The following FSTL5 variants were observed in gnomAD, a reference collection of about 807,000 sequenced individuals.
The protein encoded by FSTL5 is follistatin like 5, also known as follistatin-related protein 5.
A neutral mutation model predicts 89.1 loss-of-function variants in FSTL5; 62 were observed. That is an observed-to-expected ratio of 0.70 (90% CI 0.57 to 0.86). FSTL5 has a LOEUF of 0.86. Among genes scored for constraint, FSTL5 ranks in the 40% least tolerant of loss-of-function variants. FSTL5 has a pLI of 0.00. For missense variants in FSTL5, 1,057 were observed against 1,001.6 expected (o/e 1.06, Z -0.75); for synonymous variants, 383 against 346.2 (o/e 1.11, Z -1.18).
intron 4 of FSTL5, among the ~76,000 whole-genome samples, chr4:161,822,789 A>G (rs1352831427): frequency 6.6e-6 from 1 of 152,228 alleles, no homozygotes; most frequent in Non-Finnish European, 1.5e-5. Context: ...ACGTCCAGGA[A>G]GAATGAGGTA....
At chr4:162,046,841 T>C (rs1738200502) in intron 2 of FSTL5, among the ~76,000 whole-genome samples, 1 of 152,160 alleles carries the variant, frequency 6.6e-6, no homozygotes, top group African/African-American at 2.4e-5. Context: ...ATAATATGTT[T>C]ATCCCTTAAT....
chr4:161,493,588 A>C (rs1729958978), intron 12 of FSTL5, among the ~76,000 whole-genome samples: 1 of 152,032 alleles, frequency 6.6e-6, no homozygotes, highest in African/African-American at 2.4e-5. Context: ...TGATTTTGTA[A>C]ATCTCAAGTA....
chr4:161,431,677 T>A (rs72681788), intron 15 of FSTL5, among the ~76,000 whole-genome samples: 20,931 of 151,880 alleles, frequency 0.14, 1,715 homozygotes, highest in East Asian at 0.24. Flanking sequence ...AATGGTTGAA[T>A]GGATAAAGAA....
At position 162,008,180 on chromosome 4, in the gene FSTL5, T is replaced by C. The variant is rs17434282; in HGVS notation, c.160+25445A>G. Among the ~76,000 whole-genome samples, 1,455 of 152,004 alleles carry C rather than the reference T, an allele frequency of 9.6e-3. 15 individuals are homozygous for C. The highest frequency in any genetic ancestry group is 0.033 in the African/African-American group (1,355 of 41,552). On this transcript the variant is annotated intron_variant, in intron 3 of 15. Transcript: ENST00000306100. ...AATTTAAACTGTTTGCCCAGATTAA[T>C]GTAATGACCATTAATGAGAGAACAA...
At chr4:161,537,192 CCTGG>C (rs1220573265) in intron 10 of FSTL5, among the ~76,000 whole-genome samples, 1 of 152,048 alleles carries the variant, frequency 6.6e-6, no homozygotes, top group African/African-American at 2.4e-5. Context: ...TAGGAAGACC[CCTGG>C]CTGGATCAAT....
chr4:161,931,070 C>T (rs1190092115), intron 3 of FSTL5, among the ~76,000 whole-genome samples: 1 of 151,746 alleles, frequency 6.6e-6, no homozygotes. Context: ...GGGATGTGGA[C>T]AATAGATGCG....
At chr4:161,923,185 A>G (rs1029382604) in intron 3 of FSTL5, among the ~76,000 whole-genome samples, 1 of 151,934 alleles carries the variant, frequency 6.6e-6, no homozygotes, top group African/African-American at 2.4e-5. Context: ...TGTTTGGCCT[A>G]TAATAGCTCA....
Position 161,718,959 on chromosome 4 carries a change from G to A in FSTL5, c.727+40452C>T, listed in dbSNP as rs187939948. ...AATTCACAGTTCTTGCTTTAAATGG[G>A]AAGAAGAAGCCAAAACTCTTCAAAA... On this transcript the variant is annotated intron_variant, in intron 6 of 15. Coordinates refer to ENST00000306100, the MANE Select transcript of FSTL5 (RefSeq NM_020116.5). Among the ~76,000 whole-genome samples, 4 of 152,256 alleles carry A rather than the reference G, an allele frequency of 2.6e-5. No individual in the cohort carries two copies. The East Asian group carries it at 5.8e-4, about 22-fold the overall frequency.
chr4:161,643,472 T>G (rs146439633), intron 7 of FSTL5, among the ~76,000 whole-genome samples: 2,496 of 68,748 alleles, frequency 0.036, 57 homozygotes, highest in African/African-American at 0.081. Flanking sequence ...TGTAACGGAG[T>G]TTTTTTTTTT....
chr4:161,938,085 C>T (rs1445258211), intron 3 of FSTL5, among the ~76,000 whole-genome samples: 2 of 152,154 alleles, frequency 1.3e-5, no homozygotes, highest in South Asian at 2.1e-4. Flanking sequence ...AAAGTAGATC[C>T]CTTTCACCAC....
chr4:161,656,496 T>C lies in FSTL5; in HGVS notation c.728-2A>G. On this transcript the variant is annotated splice_acceptor_variant, in intron 6 of 15. Transcript: ENST00000306100. LOFTEE classifies it high-confidence loss of function. ...CTGGCAGACTCAACTGGATCACTTC[T>C]GTAAAGATGAAGTGTCAGTAATGTT... The C allele has an allele frequency of 6.4e-7, 1 of 1,560,286 alleles. No homozygotes were observed. The highest frequency in any genetic ancestry group is 8.7e-7 in the Non-Finnish European group (1 of 1,156,024).
rs559680759 is a variant in FSTL5, at chr4:161,855,665, C to T, written c.409+64739G>A. ...TCTTGTTTAATTGTAGGCTTTTTTC[C>T]TCTTCATATGGTAACTAAGTCATTT... On this transcript the variant is annotated intron_variant, in intron 4 of 15. Transcript: ENST00000306100. 3.9e-5 allele frequency among the ~76,000 whole-genome samples: 6 copies of T among 152,026 alleles called. No individual in the cohort carries two copies. In the East Asian group the frequency reaches 7.7e-4, roughly 20 times the overall value.
At chr4:161,530,712 C>T (rs1328615316) in intron 10 of FSTL5, among the ~76,000 whole-genome samples, 1 of 152,018 alleles carries the variant, frequency 6.6e-6, no homozygotes, top group African/African-American at 2.4e-5. Context: ...TACTCTCAAA[C>T]AGCTGGATTA....
At chr4:161,968,095 C>G (rs1179253735) in intron 3 of FSTL5, among the ~76,000 whole-genome samples, 1 of 151,718 alleles carries the variant, frequency 6.6e-6, no homozygotes, top group Admixed American at 6.6e-5. Flanking sequence ...TTGTTAAATA[C>G]TCTGGTCCTT....
chr4:161,944,215 T>C (rs1265884389), intron 3 of FSTL5, among the ~76,000 whole-genome samples: 1 of 152,154 alleles, frequency 6.6e-6, no homozygotes, highest in Non-Finnish European at 1.5e-5. Flanking sequence ...TATGCTACTA[T>C]TTTGCAAGAA....
chr4:161,685,706 C>T (rs769474948), intron 6 of FSTL5, among the ~76,000 whole-genome samples: 1 of 152,088 alleles, frequency 6.6e-6, no homozygotes, highest in Non-Finnish European at 1.5e-5. Flanking sequence ...CATTAGCAAA[C>T]AAAGACCGTT....
At chr4:161,426,993 A>G (rs1732187705) in intron 15 of FSTL5, among the ~76,000 whole-genome samples, 1 of 152,162 alleles carries the variant, frequency 6.6e-6, no homozygotes, top group African/African-American at 2.4e-5. Context: ...TAAATAACAT[A>G]TTATCTAATA....
chr4:162,042,356 C>T (rs1737997803), intron 2 of FSTL5, among the ~76,000 whole-genome samples: 1 of 152,012 alleles, frequency 6.6e-6, no homozygotes, highest in Non-Finnish European at 1.5e-5. Flanking sequence ...CATATAAACT[C>T]AATCAAAACA....
intron 8 of FSTL5, among the ~76,000 whole-genome samples, chr4:161,559,392 C>CT (rs1358642690): frequency 6.6e-6 from 1 of 151,712 alleles, no homozygotes; most frequent in Non-Finnish European, 1.5e-5. Flanking sequence ...CTTTCCTCTT[C>CT]TTTTTTTCTT....
Sources: gnomAD v4.1 joint callset for allele counts (sites outside exome capture counted in the v4.1 genomes callset) on GRCh38, gnomAD v4.1.1 for gene constraint, MANE v1.5 for transcripts, NCBI Gene and HGNC (gene_info 2026-07-23, HGNC 2026-07-21) for gene names.